Variants in TNRC6C observed in about 807,000 individuals in gnomAD.
The protein encoded by TNRC6C is trinucleotide repeat-containing gene 6C protein.
In TNRC6C, 20 loss-of-function variants were observed where a neutral mutation model predicts 153.7. The observed-to-expected ratio is 0.13, with a 90% CI of 0.09 to 0.19. The LOEUF is 0.19. TNRC6C is among the 10% of genes least tolerant of loss of function. The pLI is 1.00. For synonymous variants in TNRC6C, 811 were observed against 841.4 expected (o/e 0.96, Z 0.63); for missense variants, 1,987 against 2,172.0 (o/e 0.91, Z 1.69).
intron 2 of TNRC6C, 111 bp from the exon 5 acceptor site, chr17:78,048,734 A>G: frequency 5.6e-6 from 6 of 1,062,166 alleles, no homozygotes; most frequent in African/African-American, 1.6e-5. Context: ...AGTGTTTGTC[A>G]TTCAGATTTG....
intron 3 of TNRC6C, among the ~76,000 whole-genome samples, chr17:78,056,404 C>A (rs1384761240): frequency 6.6e-6 from 1 of 151,640 alleles, no homozygotes; most frequent in Non-Finnish European, 1.5e-5. Flanking sequence ...GTGATCCACC[C>A]ACCTCAGCCT....
chr17:78,093,113 A>G (rs767021158), exon 15 of TNRC6C: 23 of 1,612,574 alleles, frequency 1.4e-5, no homozygotes, highest in Admixed American at 8.3e-5. Context: ...TCTAGCATCA[A>G]CTGGCCCCCA....
chr17:78,004,061 G>T (rs115659881), upstream of TNRC6C: 279 of 1,223,484 alleles, frequency 2.3e-4, no homozygotes, highest in African/African-American at 4.1e-3. Flanking sequence ...GGGTCCTCCT[G>T]TATACCATAT....
chr17:78,048,656 A>C (rs2072457088), intron 2 of TNRC6C, among the ~76,000 whole-genome samples, 189 bp from the exon 5 acceptor site: 1 of 152,230 alleles, frequency 6.6e-6, no homozygotes, highest in South Asian at 2.1e-4. Context: ...AATTTTAAAA[A>C]CATTAACGCT....
intron 19 of TNRC6C, among the ~76,000 whole-genome samples, chr17:78,103,758 T>G (rs1384844639): frequency 6.6e-6 from 1 of 152,202 alleles, no homozygotes; most frequent in Non-Finnish European, 1.5e-5. Flanking sequence ...TCTCCTTGGC[T>G]GTAGACAGCT....
chr17:77,959,213 G>C (rs1195105466), upstream of TNRC6C: 1 of 146,962 alleles, frequency 6.8e-6, no homozygotes, highest in Non-Finnish European at 1.5e-5. Context: ...GCCGCCGCCA[G>C]GCCCGCGCCA....
chr17:78,097,535 C>T (rs1232304775), intron 16 of TNRC6C, among the ~76,000 whole-genome samples: 1 of 152,214 alleles, frequency 6.6e-6, no homozygotes, highest in African/African-American at 2.4e-5. Flanking sequence ...CCTTCAGCAA[C>T]ATCCCAGGCC....
At chr17:77,989,062 G>A (rs1392362736) in intron 1 of TNRC6C, among the ~76,000 whole-genome samples, 1 of 152,186 alleles carries the variant, frequency 6.6e-6, no homozygotes, top group Non-Finnish European at 1.5e-5. Flanking sequence ...CAGAGCATCT[G>A]AATTTCTTGG....
chr17:78,010,799 T>C (rs533380196), intron 1 of TNRC6C, among the ~76,000 whole-genome samples: 31 of 151,972 alleles, frequency 2.0e-4, no homozygotes, highest in African/African-American at 7.5e-4. Context: ...TTTTTTTCCA[T>C]GGAAACAAAA....
At chr17:77,976,229 G>A (rs997797178) in intron 1 of TNRC6C, among the ~76,000 whole-genome samples, 2 of 151,996 alleles carry the variant, frequency 1.3e-5, no homozygotes, top group Non-Finnish European at 2.9e-5. Flanking sequence ...ATACGTTTCT[G>A]TAATTTCAAA....
At chr17:77,958,388 G>C (rs1174475077), upstream of TNRC6C, among the ~76,000 whole-genome samples, 5 of 151,986 alleles carry the variant, frequency 3.3e-5, no homozygotes, top group Middle Eastern at 3.2e-3. Flanking sequence ...ACTGGCGCGC[G>C]TCCCGGCCAC....
intron 1 of TNRC6C, among the ~76,000 whole-genome samples, chr17:78,010,832 T>A (rs1025275907): frequency 1.2e-4 from 19 of 152,226 alleles, no homozygotes; most frequent in African/African-American, 4.6e-4. Context: ...TGAGACATTT[T>A]AAAAATATAT....
chr17:78,070,727 A>AT (rs1427574968), intron 5 of TNRC6C, among the ~76,000 whole-genome samples: 1 of 152,186 alleles, frequency 6.6e-6, no homozygotes, highest in Non-Finnish European at 1.5e-5. Context: ...AAAAAGTGTA[A>AT]TTTTTAGTAA....
exon 2 of TNRC6C, chr17:78,031,550 C>G (rs185687023): frequency 8.1e-7 from 1 of 1,232,156 alleles, no homozygotes. Context: ...CAAGCCAGCC[C>G]CAACCTGCCG....
chr17:78,005,967 GT>G (rs1274022266), intron 1 of TNRC6C, among the ~76,000 whole-genome samples: 1 of 152,128 alleles, frequency 6.6e-6, no homozygotes, highest in African/African-American at 2.4e-5. Flanking sequence ...TTATTCTGAA[GT>G]TTTTTTCCAC....
intron 1 of TNRC6C, among the ~76,000 whole-genome samples, chr17:77,986,190 C>A (rs567890518): frequency 6.6e-6 from 1 of 152,090 alleles, no homozygotes; most frequent in Non-Finnish European, 1.5e-5. Flanking sequence ...CCGAGGTGGG[C>A]GGATCACCCG....
intron 5 of TNRC6C, among the ~76,000 whole-genome samples, chr17:78,070,403 T>G (rs1267789039): frequency 6.6e-6 from 1 of 152,188 alleles, no homozygotes; most frequent in Non-Finnish European, 1.5e-5. Flanking sequence ...GGAATTTTTT[T>G]CATATTGTAA....
chr17:77,993,433 G>A (rs1341418098), intron 1 of TNRC6C, among the ~76,000 whole-genome samples: 2 of 152,164 alleles, frequency 1.3e-5, no homozygotes, highest in Non-Finnish European at 2.9e-5. Context: ...AGTTTTTGAT[G>A]TAAGATAGTA....
chr17:77,962,938 G>A (rs2070872445), intron 1 of TNRC6C, among the ~76,000 whole-genome samples: 1 of 152,202 alleles, frequency 6.6e-6, no homozygotes, highest in Non-Finnish European at 1.5e-5. Flanking sequence ...GATTTGAGTA[G>A]GGACAGCAAA....
Sources: gnomAD v4.1 joint callset for allele counts (sites outside exome capture counted in the v4.1 genomes callset) on GRCh38, gnomAD v4.1.1 for gene constraint, MANE v1.5 for transcripts, NCBI Gene and HGNC (gene_info 2026-07-23, HGNC 2026-07-21) for gene names.